Variants in PRKAR1B observed in about 807,000 individuals in gnomAD.
PRKAR1B encodes the protein cAMP-dependent protein kinase type I-beta regulatory subunit.
Under a neutral mutation model 46.5 loss-of-function variants are expected in PRKAR1B, and 22 were observed. That is an observed-to-expected ratio of 0.47 (90% CI 0.34 to 0.68). The LOEUF is 0.68. PRKAR1B is among the 30% of genes least tolerant of loss of function. PRKAR1B has a pLI of 0.01. For synonymous variants in PRKAR1B, 259 were observed against 217.7 expected (o/e 1.19, Z -1.67); for missense variants, 445 against 535.6 (o/e 0.83, Z 1.67).
chr7:577,971 T>G (rs1182741173), intron 9 of PRKAR1B, among the ~76,000 whole-genome samples: 1 of 152,248 alleles, frequency 6.6e-6, no homozygotes, highest in Non-Finnish European at 1.5e-5. Context: ...GGGTGGGTTA[T>G]ACACAGCTCT....
chr7:550,161 G>C lies in PRKAR1B; in HGVS notation c.*269C>G. ...GTGGGCCCCCCAGGAGAAGCCCACA[G>C]AGGCAGCCGGGGAGGCGTGTGGGGA... is the stretch of plus-strand genomic sequence containing the variant. On this transcript the variant is annotated 3_prime_UTR_variant, in exon 11 of 11. Transcript: ENST00000537384. The C allele has an allele frequency of 2.2e-6, 1 of 452,808 alleles. No individual in the cohort carries two copies. Among genetic ancestry groups the C allele is most frequent in the South Asian group, 2.2e-5 (1 of 44,742 alleles). 28.0% of individuals were successfully genotyped at this position (452,808 alleles called of 1,614,324 possible).
chr7:624,786 T>A (rs1783296045), intron 4 of PRKAR1B, among the ~76,000 whole-genome samples: 1 of 152,182 alleles, frequency 6.6e-6, no homozygotes, highest in Admixed American at 6.5e-5. Flanking sequence ...TTAACGCCCC[T>A]CAGCTAGTTA....
At chr7:712,357 C>T (rs1388318106) in intron 1 of PRKAR1B, 3 of 149,464 alleles carry the variant, frequency 2.0e-5, no homozygotes, top group Non-Finnish European at 4.5e-5. Flanking sequence ...TCCGCATCCC[C>T]GGGGGGCCTC....
At chr7:579,558 G>C (rs1470989450) in intron 8 of PRKAR1B, among the ~76,000 whole-genome samples, 181 bp from the exon 9 acceptor site, 1 of 152,230 alleles carries the variant, frequency 6.6e-6, no homozygotes, top group African/African-American at 2.4e-5. Context: ...TCTGTGCCAG[G>C]GGGCCTGGGT....
intron 3 of PRKAR1B, among the ~76,000 whole-genome samples, chr7:677,717 G>A (rs1313372534): frequency 2.0e-5 from 3 of 151,994 alleles, no homozygotes; most frequent in Non-Finnish European, 2.9e-5. Context: ...GTGAGCCACC[G>A]CACCCAGCCT....
At chr7:654,228 CCAT>C (rs1490182402) in intron 4 of PRKAR1B, among the ~76,000 whole-genome samples, 1 of 149,770 alleles carries the variant, frequency 6.7e-6, no homozygotes, top group East Asian at 2.0e-4. Flanking sequence ...ATCTTCATCA[CCAT>C]CATCACCATC....
intron 2 of PRKAR1B, 125 bp from the exon 3 acceptor site, chr7:680,851 T>G (rs1240771949): frequency 3.6e-6 from 4 of 1,126,076 alleles, no homozygotes. Flanking sequence ...AACTCAGGAG[T>G]TGGACATACG....
chr7:711,675 G>T, intron 1 of PRKAR1B, 148 bp from the exon 2 acceptor site: 1 of 781,898 alleles, frequency 1.3e-6, no homozygotes, highest in Non-Finnish European at 2.0e-6. Flanking sequence ...CATTCTGTGG[G>T]GCCAGGTGAG....
chr7:603,649 A>G (rs1224932332), intron 6 of PRKAR1B, among the ~76,000 whole-genome samples: 1 of 133,012 alleles, frequency 7.5e-6, no homozygotes, highest in Admixed American at 7.1e-5. Context: ...CAGGACCCAG[A>G]GTGGAGAGGG....
At chr7:655,264 C>T (rs1166342506) in intron 4 of PRKAR1B, among the ~76,000 whole-genome samples, 1 of 152,184 alleles carries the variant, frequency 6.6e-6, no homozygotes, top group African/African-American at 2.4e-5. Context: ...AGATCTGGCG[C>T]CTCTTCCTCT....
At chr7:607,119 T>A (rs1486127066) in intron 5 of PRKAR1B, among the ~76,000 whole-genome samples, 1 of 152,136 alleles carries the variant, frequency 6.6e-6, no homozygotes, top group Non-Finnish European at 1.5e-5. Flanking sequence ...TTCTCCTGCC[T>A]CAGCCTCTGG....
chr7:579,482 T>C (rs1215632343), intron 8 of PRKAR1B, 105 bp from the exon 9 acceptor site: 1 of 1,411,716 alleles, frequency 7.1e-7, no homozygotes, highest in African/African-American at 1.4e-5. Flanking sequence ...TCAGAAGCAA[T>C]CACAACACCA....
At chr7:618,355 A>G (rs1451078744) in intron 4 of PRKAR1B, among the ~76,000 whole-genome samples, 1 of 152,082 alleles carries the variant, frequency 6.6e-6, no homozygotes, top group African/African-American at 2.4e-5. Context: ...CCGCTCTGTG[A>G]TCTGTTCTTG....
rs547163377 is a variant in PRKAR1B at position 693,336 on chromosome 7, C to T, written c.178-12610G>A. 4.1e-4 allele frequency among the ~76,000 whole-genome samples: 63 copies of T among 151,916 alleles called. 1 individual carries two copies. Among genetic ancestry groups the T allele is most frequent in the African/African-American group, 1.5e-3 (61 of 41,392 alleles). The stretch of plus-strand genomic sequence containing the variant: ...AATTCAGCCACGTCGACACATTCAC[C>T]GTGCTGTGCAACCACCACCTCCATC... On this transcript the variant is annotated intron_variant, in intron 2 of 10. Transcript: ENST00000537384.
At chr7:670,149 T>G (rs1786154199) in intron 4 of PRKAR1B, among the ~76,000 whole-genome samples, 1 of 151,862 alleles carries the variant, frequency 6.6e-6, no homozygotes, top group Non-Finnish European at 1.5e-5. Flanking sequence ...ATTATGGACG[T>G]GAGCCACCGC....
At chr7:651,690 C>T (rs1021928604) in intron 4 of PRKAR1B, among the ~76,000 whole-genome samples, 12 of 130,834 alleles carry the variant, frequency 9.2e-5, no homozygotes, top group Non-Finnish European at 1.7e-4. Context: ...ACCCACACAG[C>T]GCTAGGAACC....
At chr7:712,061 T>TG (rs950027543) in intron 1 of PRKAR1B, among the ~76,000 whole-genome samples, 74 of 54,594 alleles carry the variant, frequency 1.4e-3, no homozygotes, top group African/African-American at 4.7e-3. Context: ...CTGGCGGTGG[T>TG]GGGGGGGTGG....
rs1395975584 is a variant in PRKAR1B at position 593,705 on chromosome 7, A to G, written c.708+2441T>C. Among the ~76,000 whole-genome samples, 2 of 152,230 alleles carry G rather than the reference A, an allele frequency of 1.3e-5. No homozygotes were observed. The highest frequency in any genetic ancestry group is 4.8e-5 in the African/African-American group (2 of 41,548). ...TCCCACGCGGCGACAGAGGCCTCCCAGTGAAGGCAGGAGTGAGCGGGTTCA... is the reference window on the plus strand; with the variant it reads ...TCCCACGCGGCGACAGAGGCCTCCCGGTGAAGGCAGGAGTGAGCGGGTTCA... On this transcript the variant is annotated intron_variant, in intron 7 of 10. Coordinates refer to ENST00000537384, the MANE Select transcript of PRKAR1B (RefSeq NM_001164760.2). This position sits in a 1 kb window ranked among gnomAD's most constrained non-coding sequence, Gnocchi z 6.1.
At chr7:691,490 G>A (rs1253464299) in intron 2 of PRKAR1B, 19 of 1,304,058 alleles carry the variant, frequency 1.5e-5, no homozygotes, top group African/African-American at 6.1e-5. Context: ...GCCCCCCAGC[G>A]CACCACAGCC....
Sources: allele counts gnomAD v4.1 joint callset (sites outside exome capture counted in the v4.1 genomes callset), GRCh38; gene constraint gnomAD v4.1.1; non-coding constraint Gnocchi (gnomAD v3.1); transcripts MANE v1.5; gene names NCBI Gene and HGNC (gene_info 2026-07-23, HGNC 2026-07-21).